NAALADL2: variants seen among roughly 807,000 people sequenced by gnomAD.
NAALADL2 encodes the protein N-acetylated alpha-linked acidic dipeptidase like 2, also known as inactive N-acetylated-alpha-linked acidic dipeptidase-like protein 2.
In NAALADL2, 76 loss-of-function variants were observed where a neutral mutation model predicts 87.2. The observed-to-expected ratio is 0.87, with a 90% confidence interval of 0.72 to 1.05. The LOEUF (loss-of-function observed/expected upper bound fraction) is 1.05. NAALADL2 is among the 50% of genes least tolerant of loss of function. The pLI, the probability that NAALADL2 is intolerant of heterozygous loss-of-function variation, is 0.00. For synonymous variants in NAALADL2, 354 were observed against 331.0 expected (o/e 1.07, Z -0.75); for missense variants, 1,089 against 945.8 (o/e 1.15, Z -1.99).
chr3:175,180,787 T>G (rs1358841450), intron 2 of NAALADL2, among the ~76,000 whole-genome samples: 3 of 151,800 alleles, frequency 2.0e-5, no homozygotes, highest in African/African-American at 7.2e-5. Context: ...TTTGTTATGT[T>G]GCTGGCACTT....
intron 10 of NAALADL2, among the ~76,000 whole-genome samples, chr3:175,580,064 A>G (rs1208878684): frequency 6.6e-6 from 1 of 152,200 alleles, no homozygotes; most frequent in African/African-American, 2.4e-5. Context: ...AGAGTATTAT[A>G]GCTTTTATGT....
intron 9 of NAALADL2, among the ~76,000 whole-genome samples, chr3:175,537,823 A>C (rs923320697): frequency 2.0e-5 from 3 of 152,220 alleles, no homozygotes; most frequent in Non-Finnish European, 2.9e-5. Context: ...TATGCCTAGC[A>C]TGTACAGAAT....
intron 1 of NAALADL2, among the ~76,000 whole-genome samples, chr3:174,995,874 A>G (rs1415861636): frequency 6.6e-6 from 1 of 152,154 alleles, no homozygotes; most frequent in African/African-American, 2.4e-5. Flanking sequence ...GAGTAAGTAA[A>G]CCAGAAAAGA....
chr3:175,785,893 A>G (rs1751872061), intron 13 of NAALADL2, among the ~76,000 whole-genome samples: 1 of 149,672 alleles, frequency 6.7e-6, no homozygotes, highest in Non-Finnish European at 1.5e-5. Context: ...CTTTTAGGGC[A>G]GGCCTGGTGG....
chr3:175,681,858 G>T (rs1735651069), intron 11 of NAALADL2, among the ~76,000 whole-genome samples: 1 of 152,126 alleles, frequency 6.6e-6, no homozygotes, highest in Non-Finnish European at 1.5e-5. Flanking sequence ...GTGAAATTAG[G>T]TTAAAAAGTC....
chr3:174,816,146 A>G (rs565574742), intron 3 of NAALADL2, among the ~76,000 whole-genome samples: 1 of 152,104 alleles, frequency 6.6e-6, no homozygotes, highest in East Asian at 1.9e-4. Context: ...TATAGCACGT[A>G]TGTACCCCAA....
intron 6 of NAALADL2, among the ~76,000 whole-genome samples, chr3:175,455,473 AAG>A (rs965339589): frequency 1.2e-4 from 18 of 152,120 alleles, no homozygotes; most frequent in African/African-American, 3.1e-4. Flanking sequence ...GAGGGATACA[AAG>A]AGAGTAAAAG....
chr3:174,757,482 A>C lies in NAALADL2; in HGVS notation c.-9+19736A>C, dbSNP rs1712260367. ...TCCTCAGTGTTGGCCTGAGATGAAAATAGAGATAACTTTTCTTTTTTTTTT... is the reference window on the plus strand; with the variant it reads ...TCCTCAGTGTTGGCCTGAGATGAAACTAGAGATAACTTTTCTTTTTTTTTT... On this transcript the variant is annotated intron_variant, in intron 3 of 3. Coordinates refer to the NAALADL2 transcript ENST00000434257. Among the ~76,000 whole-genome samples the C allele has an allele frequency of 1.3e-5, 2 of 152,004 alleles. 1 individual carries two copies. Among genetic ancestry groups the C allele is most frequent in the South Asian group, 4.1e-4 (2 of 4,820 alleles).
chr3:174,456,887 T>G (rs1341432831), intron 1 of NAALADL2, among the ~76,000 whole-genome samples: 5 of 152,098 alleles, frequency 3.3e-5, no homozygotes. Context: ...AAAGAGCTTC[T>G]ATACAGCAAA....
intron 3 of NAALADL2, among the ~76,000 whole-genome samples, chr3:174,810,783 T>C (rs1354754551): frequency 6.6e-6 from 1 of 152,100 alleles, no homozygotes; most frequent in African/African-American, 2.4e-5. Flanking sequence ...GAAGTGCTGA[T>C]ACTCAAGAAA....
intron 1 of NAALADL2, among the ~76,000 whole-genome samples, chr3:175,024,103 TCA>T (rs1472538785): frequency 6.6e-6 from 1 of 152,062 alleles, no homozygotes; most frequent in Non-Finnish European, 1.5e-5. Flanking sequence ...GATAATGACA[TCA>T]GTTTTCCTTT....
chr3:175,398,799 T>C (rs953523106), intron 5 of NAALADL2, among the ~76,000 whole-genome samples: 1 of 152,114 alleles, frequency 6.6e-6, no homozygotes, highest in Non-Finnish European at 1.5e-5. Context: ...TTAGTCATTT[T>C]ATTTATTATT....
chr3:175,152,796 AC>A (rs1395506205), intron 2 of NAALADL2, among the ~76,000 whole-genome samples: 2 of 151,970 alleles, frequency 1.3e-5, no homozygotes, highest in Non-Finnish European at 2.9e-5. Context: ...AATCCCGGCT[AC>A]TCAGGAGGCT....
chr3:174,679,559 C>A (rs557267338), intron 2 of NAALADL2, among the ~76,000 whole-genome samples: 3 of 152,194 alleles, frequency 2.0e-5, no homozygotes, highest in African/African-American at 7.2e-5. Context: ...GTCGTGGGAT[C>A]TTTGGGGTGT....
chr3:175,280,510 C>A (rs1287607729), intron 4 of NAALADL2, among the ~76,000 whole-genome samples: 1 of 152,070 alleles, frequency 6.6e-6, no homozygotes, highest in African/African-American at 2.4e-5. Context: ...CCTGCTAGGA[C>A]ATAATGAGAG....
chr3:175,354,990 A>T (rs1417112277), intron 5 of NAALADL2, among the ~76,000 whole-genome samples: 2 of 142,670 alleles, frequency 1.4e-5, no homozygotes, highest in Admixed American at 1.4e-4. Flanking sequence ...AATTTTTCCA[A>T]TTTTATTTAT....
chr3:174,949,312 T>A (rs971531736), intron 1 of NAALADL2, among the ~76,000 whole-genome samples: 1 of 152,160 alleles, frequency 6.6e-6, no homozygotes. Flanking sequence ...AATTGGAATC[T>A]ATTTTACCTG....
chr3:175,716,411 TAAA>T (rs1360989213), intron 11 of NAALADL2, among the ~76,000 whole-genome samples: 1 of 150,540 alleles, frequency 6.6e-6, no homozygotes, highest in Non-Finnish European at 1.5e-5. Context: ...TCTATGAAAC[TAAA>T]AAGCCGACTG....
At chr3:175,647,853 A>C (rs114200313) in intron 11 of NAALADL2, among the ~76,000 whole-genome samples, 1 of 151,936 alleles carries the variant, frequency 6.6e-6, no homozygotes, top group African/African-American at 2.4e-5. Context: ...CTAGCCAGCC[A>C]CTCTCATTTC....
Sources: allele counts gnomAD v4.1 joint callset (sites outside exome capture counted in the v4.1 genomes callset), GRCh38; gene constraint gnomAD v4.1.1; transcripts MANE v1.5; gene names NCBI Gene and HGNC (gene_info 2026-07-23, HGNC 2026-07-21).